Variants in CAB39L observed in about 807,000 individuals in gnomAD.
CAB39L encodes calcium binding protein 39 like, also known as calcium-binding protein 39-like.
Under a neutral mutation model 39.1 loss-of-function variants are expected in CAB39L, and 23 were observed. The ratio of observed to expected loss-of-function variants is 0.59; its 90% CI spans 0.42 to 0.83. CAB39L has a LOEUF of 0.83. Ranked by LOEUF, CAB39L falls within the 40% of genes least tolerant of loss-of-function variation. The pLI, the probability that CAB39L is intolerant of heterozygous loss-of-function variation, is 0.00. For synonymous variants in CAB39L, 126 were observed against 137.2 expected (o/e 0.92, Z 0.57); for missense variants, 366 against 391.9 (o/e 0.93, Z 0.56).
chr13:49,348,595 C>T (rs2138457812), intron 7 of CAB39L, among the ~76,000 whole-genome samples: 1 of 152,246 alleles, frequency 6.6e-6, no homozygotes, highest in South Asian at 2.1e-4. Context: ...ACTGGGCTTA[C>T]CCTGCTCCTA....
rs1335973701 is a variant in CAB39L, at chr13:49,379,107, T to A, written c.112-1976A>T. Among the ~76,000 whole-genome samples, 7 of 47,210 alleles carry A rather than the reference T, an allele frequency of 1.5e-4. No homozygotes were observed. In the East Asian group the frequency reaches 2.4e-3, roughly 16 times the overall value. The allele number at this position is 47,210 out of a possible 152,430, so 31.0% of individuals were successfully genotyped here. A position where few individuals can be genotyped will look rare whatever the true frequency, so the allele number is the denominator to read the frequency against. On this transcript the variant is annotated intron_variant, in intron 4 of 10. Coordinates refer to ENST00000409308, the MANE Select transcript of CAB39L (RefSeq NM_001079670.3). ...CCCCCCCGCCCGGCCAGCCGCCCCG[T>A]CCGGGAGGTGAGGGGCGCCTCTGCC...
intron 3 of CAB39L, chr13:49,413,108 AAC>A (rs745876729): frequency 1.1e-4 from 6 of 56,450 alleles, no homozygotes; most frequent in Non-Finnish European, 7.9e-5. Context: ...CTTTTGTGAA[AAC>A]AAAACAAAAC....
At chr13:49,442,803 A>AAAAAAC (rs1957557872) in intron 1 of CAB39L, among the ~76,000 whole-genome samples, 1 of 150,840 alleles carries the variant, frequency 6.6e-6, no homozygotes, top group African/African-American at 2.5e-5. Flanking sequence ...AAAAAAAAAA[A>AAAAAAC]AAAAAAAAAA....
intron 7 of CAB39L, among the ~76,000 whole-genome samples, chr13:49,345,742 C>A (rs556601581): frequency 5.3e-5 from 8 of 152,062 alleles, no homozygotes; most frequent in Non-Finnish European, 7.4e-5. Flanking sequence ...CTATGGGCTG[C>A]AGCAGACACT....
intron 3 of CAB39L, among the ~76,000 whole-genome samples, chr13:49,394,648 T>C (rs1956567484): frequency 6.6e-6 from 1 of 152,162 alleles, no homozygotes; most frequent in South Asian, 2.1e-4. Flanking sequence ...AATAATTAAA[T>C]TGTGATATAC....
At chr13:49,424,312 C>T (rs1957214193) in intron 3 of CAB39L, among the ~76,000 whole-genome samples, 1 of 152,220 alleles carries the variant, frequency 6.6e-6, no homozygotes, top group Non-Finnish European at 1.5e-5. Context: ...TTCCTCAAAA[C>T]TCGTAACCCC....
intron 3 of CAB39L, chr13:49,414,124 A>G (rs1010637675): frequency 1.3e-5 from 2 of 152,222 alleles, no homozygotes; most frequent in African/African-American, 4.8e-5. Context: ...CATTTTCTAT[A>G]CAATTCTTAA....
At chr13:49,330,175 A>T (rs1954649141) in intron 10 of CAB39L, among the ~76,000 whole-genome samples, 1 of 152,230 alleles carries the variant, frequency 6.6e-6, no homozygotes, top group African/African-American at 2.4e-5. Context: ...CATAATTTTT[A>T]CATGCCTTCC....
At chr13:49,360,841 T>G (rs1300681756) in intron 5 of CAB39L, among the ~76,000 whole-genome samples, 1 of 152,206 alleles carries the variant, frequency 6.6e-6, no homozygotes, top group Non-Finnish European at 1.5e-5. Flanking sequence ...TGTGAAGGTC[T>G]GTGCCTGCTT....
chr13:49,438,005 T>A (rs1463348432), intron 1 of CAB39L, among the ~76,000 whole-genome samples: 1 of 151,538 alleles, frequency 6.6e-6, no homozygotes, highest in Non-Finnish European at 1.5e-5. Context: ...TTTTATTTTT[T>A]ATTTTTTTTA....
intron 3 of CAB39L, among the ~76,000 whole-genome samples, chr13:49,399,352 C>A: frequency 6.6e-6 from 1 of 152,012 alleles, no homozygotes; most frequent in East Asian, 1.9e-4. Context: ...ACCCAGAAAA[C>A]CCATAAGCAT....
At chr13:49,403,282 A>G (rs1956810581) in intron 3 of CAB39L, among the ~76,000 whole-genome samples, 1 of 152,164 alleles carries the variant, frequency 6.6e-6, no homozygotes, top group African/African-American at 2.4e-5. Flanking sequence ...GTTTTAGATT[A>G]AAGGTTGTTC....
intron 7 of CAB39L, among the ~76,000 whole-genome samples, 190 bp from the exon 8 acceptor site, chr13:49,344,428 T>A (rs2138439063): frequency 6.6e-6 from 1 of 152,290 alleles, no homozygotes; most frequent in East Asian, 1.9e-4. Flanking sequence ...AAAGAAAAAC[T>A]CTGGTGTTAA....
At chr13:49,347,019 G>A (rs1955198467) in intron 7 of CAB39L, among the ~76,000 whole-genome samples, 1 of 151,668 alleles carries the variant, frequency 6.6e-6, no homozygotes. Flanking sequence ...AAGATTAGGA[G>A]GTTATAAAAA....
rs1953939388 is a variant in CAB39L, at chr13:49,309,947, G to C, written c.*867C>G. ...TTGTGCCTGCTGGGCATCCCACTAT[G>C]CTGATTCCTACTCTAAAAGACACTT... is the stretch of plus-strand genomic sequence containing the variant. On this transcript the variant is annotated 3_prime_UTR_variant, in exon 11 of 11. Transcript: ENST00000409308. The C allele has an allele frequency of 6.6e-6, 1 of 152,174 alleles. No individual in the cohort carries two copies. Among genetic ancestry groups the C allele is most frequent in the African/African-American group, 2.4e-5 (1 of 41,412 alleles). 9.4% of individuals were successfully genotyped at this position (152,174 alleles called of 1,614,324 possible).
intron 10 of CAB39L, among the ~76,000 whole-genome samples, chr13:49,330,209 A>G (rs1413440475): frequency 6.6e-6 from 1 of 152,154 alleles, no homozygotes; most frequent in Non-Finnish European, 1.5e-5. Context: ...TCTTTTTAAA[A>G]CCTTGCCTTG....
At chr13:49,339,125 C>CTTTTT (rs1215081648) in intron 9 of CAB39L, among the ~76,000 whole-genome samples, 130 of 99,868 alleles carry the variant, frequency 1.3e-3, no homozygotes, top group Non-Finnish European at 1.8e-3. Flanking sequence ...TTTTACATGT[C>CTTTTT]TTTTTTTTTT....
intron 1 of CAB39L, among the ~76,000 whole-genome samples, chr13:49,443,739 TACC>T (rs1167017919): frequency 1.3e-5 from 2 of 151,826 alleles, no homozygotes; most frequent in Admixed American, 6.6e-5. Flanking sequence ...TCCCTACTAT[TACC>T]ACCACCACAA....
intron 3 of CAB39L, among the ~76,000 whole-genome samples, chr13:49,418,229 GATACATA>G (rs941382332): frequency 3.9e-5 from 6 of 152,186 alleles, no homozygotes; most frequent in Non-Finnish European, 1.5e-5. Context: ...ATGAAGTCCT[GATACATA>G]ATACAATATG....
Sources: gnomAD v4.1 joint callset for allele counts (sites outside exome capture counted in the v4.1 genomes callset) on GRCh38, gnomAD v4.1.1 for gene constraint, MANE v1.5 for transcripts, NCBI Gene and HGNC (gene_info 2026-07-23, HGNC 2026-07-21) for gene names.